The following SYNC variants were observed in gnomAD, a reference collection of about 807,000 sequenced individuals.
SYNC encodes syncoilin.
Under a neutral mutation model 49.5 loss-of-function variants are expected in SYNC, and 38 were observed. The ratio of observed to expected loss-of-function variants is 0.77; its 90% CI spans 0.59 to 1.01. The LOEUF (loss-of-function observed/expected upper bound fraction) is 1.01. Among genes scored for constraint, SYNC ranks in the 50% least tolerant of loss-of-function variants. The pLI, the probability that SYNC is intolerant of heterozygous loss-of-function variation, is 0.00. For synonymous variants in SYNC, 201 were observed against 230.8 expected (o/e 0.87, Z 1.17); for missense variants, 579 against 580.6 (o/e 1.00, Z 0.03).
intron 2 of SYNC, among the ~76,000 whole-genome samples, chr1:32,687,861 A>ATTATTAATTT (rs1280120903): frequency 6.8e-6 from 1 of 146,440 alleles, no homozygotes; most frequent in African/African-American, 2.5e-5. Flanking sequence ...TATTATTATT[A>ATTATTAATTT]TTTTTTGAGA....
In SYNC at chr1:32,695,522, C is replaced by G; in HGVS notation, c.576G>C (p.Glu192Asp). The change falls in exon 2 of 5, where the codon GAG becomes GAC. Residue 192 changes from glutamate (E) to aspartate (D), a missense_variant. By Grantham distance (45) the Glu-to-Asp change is conservative (BLOSUM62 2). Transcript: ENST00000409190. ...CAAGCTCATGGATGAGCTGATCCCTCTCCTCTTCCAGCTGGGCCACAGCTT... is the reference window on the plus strand; with the variant it reads ...CAAGCTCATGGATGAGCTGATCCCTGTCCTCTTCCAGCTGGGCCACAGCTT... ...CVQAVAQLEE[E>D]RDQLIHELVL... 1 of 1,551,458 alleles carries G rather than the reference C, an allele frequency of 6.4e-7. No individual in the cohort carries two copies. Among genetic ancestry groups the G allele is most frequent in the Non-Finnish European group, 8.7e-7 (1 of 1,146,974 alleles).
chr1:32,693,971 T>C (rs1479555277), intron 2 of SYNC, among the ~76,000 whole-genome samples: 3 of 152,164 alleles, frequency 2.0e-5, no homozygotes, highest in Non-Finnish European at 1.5e-5. Flanking sequence ...CTGCGGTGGC[T>C]CACACCTATA....
chr1:32,699,687 C>T (rs181020303), intron 1 of SYNC, among the ~76,000 whole-genome samples: 124 of 151,874 alleles, frequency 8.2e-4, no homozygotes, highest in Admixed American at 3.2e-3. Flanking sequence ...CAAATTGCTA[C>T]GCATGGTTTC....
chr1:32,686,178 A>G (rs1366640490), intron 2 of SYNC: 1 of 152,220 alleles, frequency 6.6e-6, no homozygotes, highest in East Asian at 1.9e-4. Context: ...GTTGAAATAT[A>G]TGTGTTGGGT....
At position 32,681,542 on chromosome 1, in the gene SYNC, C is replaced by T. The variant is rs360510; in HGVS notation, c.*308G>A. 450,652 of 455,822 alleles carry T rather than the reference C, an allele frequency of 0.99. 222,972 individuals carry two copies. Among genetic ancestry groups the T allele is most frequent in the East Asian group, 1 (27,430 of 27,430 alleles). The allele number at this position is 455,822 out of a possible 1,614,324, so 28.2% of individuals were successfully genotyped here. A position where few individuals can be genotyped will look rare whatever the true frequency, so the allele number is the denominator to read the frequency against. ...CAGATGTGTCCATACATTCATCCTT[C>T]ACTCAGTGCATATGTGAGGGTTGTT... On this transcript the variant is annotated 3_prime_UTR_variant, in exon 5 of 5. Transcript: ENST00000409190.
Position 32,680,694 on chromosome 1 carries a change from A to G in SYNC, c.*1156T>C, listed in dbSNP as rs1464889755. 2 of 683,256 alleles carry G rather than the reference A, an allele frequency of 2.9e-6. No individual in the cohort carries two copies. The highest frequency in any genetic ancestry group is 3.8e-5 in the African/African-American group (2 of 53,226). 42.3% of individuals were successfully genotyped at this position (683,256 alleles called of 1,614,324 possible). On this transcript the variant is annotated 3_prime_UTR_variant, in exon 5 of 5. Transcript: ENST00000409190. ...TTTTATTTAGTATAAAACATCCATCAAACACCAGTCTCTGGCTTCTAGAAG... is the reference window on the plus strand; with the variant it reads ...TTTTATTTAGTATAAAACATCCATCGAACACCAGTCTCTGGCTTCTAGAAG...
At position 32,702,472 on chromosome 1, in the gene SYNC, C is replaced by T. The variant is rs1650703894; in HGVS notation, c.53+136G>A. ...GACTCCCCGATGTCCCCTCACGAGGCGGCTCCAGTGCCCCACCCCGGCTGG... is the reference window on the plus strand; with the variant it reads ...GACTCCCCGATGTCCCCTCACGAGGTGGCTCCAGTGCCCCACCCCGGCTGG... On this transcript the variant is annotated intron_variant, in intron 1 of 4. Transcript: ENST00000409190. The surrounding 1 kb of genome is among the most constrained non-coding windows in gnomAD (Gnocchi z 6.2). The T allele has an allele frequency of 1.3e-5, 11 of 822,116 alleles. No individual in the cohort carries two copies. Among genetic ancestry groups the T allele is most frequent in the Non-Finnish European group, 1.7e-5 (11 of 636,174 alleles). The allele number at this position is 822,116 out of a possible 1,614,324, so 50.9% of individuals were successfully genotyped here.
chr1:32,688,658 G>A (rs757934708), intron 2 of SYNC, among the ~76,000 whole-genome samples: 3 of 151,894 alleles, frequency 2.0e-5, no homozygotes, highest in African/African-American at 7.3e-5. Context: ...GTGCAGTGGC[G>A]CGATCTCAAC....
At chr1:32,699,278 T>C (rs1254156298) in intron 1 of SYNC, among the ~76,000 whole-genome samples, 2 of 150,186 alleles carry the variant, frequency 1.3e-5, no homozygotes, top group Non-Finnish European at 3.0e-5. Context: ...CTCAGCCTCC[T>C]GAGTAGCTGA....
intron 2 of SYNC, among the ~76,000 whole-genome samples, chr1:32,688,128 C>T (rs1649979387): frequency 6.6e-6 from 1 of 151,994 alleles, no homozygotes; most frequent in South Asian, 2.1e-4. Context: ...AGCCACTGCT[C>T]CTGGCATGAA....
At chr1:32,693,500 G>A (rs1005361670) in intron 2 of SYNC, among the ~76,000 whole-genome samples, 2 of 152,216 alleles carry the variant, frequency 1.3e-5, no homozygotes, top group Non-Finnish European at 2.9e-5. Context: ...TCTCTGGGAA[G>A]ACATAGATTT....
chr1:32,698,922 AGGCACGTAGC>A (rs1160468573), intron 1 of SYNC, among the ~76,000 whole-genome samples: 1 of 151,258 alleles, frequency 6.6e-6, no homozygotes, highest in Non-Finnish European at 1.5e-5. Context: ...CCAGGACTAC[AGGCACGTAGC>A]GCCACACCCG....
rs1274739796 is a variant in SYNC, at chr1:32,680,140, C to T, written c.*1710G>A. On this transcript the variant is annotated 3_prime_UTR_variant, in exon 5 of 5. Transcript: ENST00000409190. ...TCAGGAAATAGGGGGAGATTCAAGTCATATAGATTCCTACTCGAAAATCTT... is the reference window on the plus strand; with the variant it reads ...TCAGGAAATAGGGGGAGATTCAAGTTATATAGATTCCTACTCGAAAATCTT... The T allele has an allele frequency of 7.4e-6, 8 of 1,077,672 alleles. No individual in the cohort carries two copies. The South Asian group carries it at 1.0e-4, about 14-fold the overall frequency. The allele number at this position is 1,077,672 out of a possible 1,614,324, so 66.8% of individuals were successfully genotyped here.
At chr1:32,683,768 G>C (rs1205424373) in intron 4 of SYNC, 1 of 432,398 alleles carries the variant, frequency 2.3e-6, no homozygotes, top group Non-Finnish European at 4.2e-6. Context: ...GAGTAGCTGG[G>C]ATTATAAGTG....
At chr1:32,684,484 G>A in intron 2 of SYNC, 102 bp from the exon 3 acceptor site, 3 of 1,532,744 alleles carry the variant, frequency 2.0e-6, no homozygotes. Context: ...GTTTAATCTT[G>A]ATAGCAGTAT....
chr1:32,684,092 TTAAAAAGAGA>T lies in SYNC; in HGVS notation c.1359-13_1359-4del. ...GGCTCTTGGGTAGTAGCATAGCCCT[TTAAAAAGAGA>T]GAGCCATTTTCCATGTGTTTTTGGA... is the stretch of plus-strand genomic sequence containing the variant. On this transcript the variant is annotated splice_polypyrimidine_tract_variant and splice_region_variant and intron_variant, in intron 3 of 4. Coordinates refer to ENST00000409190, the MANE Select transcript of SYNC (RefSeq NM_030786.3). The T allele has an allele frequency of 1.9e-6, 3 of 1,609,686 alleles. No homozygotes were observed. In the South Asian group the frequency reaches 3.3e-5, roughly 18 times the overall value.
At chr1:32,692,519 G>A (rs927650450) in intron 2 of SYNC, among the ~76,000 whole-genome samples, 7 of 152,336 alleles carry the variant, frequency 4.6e-5, no homozygotes, top group South Asian at 2.1e-4. Context: ...GGCTGAGGCC[G>A]GTGGATCACC....
Position 32,684,381 on chromosome 1 carries a change from TC to T in SYNC, c.1234del (p.Glu412AsnfsTer13), listed in dbSNP as rs1463701260. 6 of 1,614,084 alleles carry T rather than the reference TC, an allele frequency of 3.7e-6. No homozygotes were observed. Among genetic ancestry groups the T allele is most frequent in the Admixed American group, 1.7e-5 (1 of 59,980 alleles). On this transcript the variant is annotated frameshift_variant and splice_region_variant, in exon 3 of 5. Transcript: ENST00000409190. LOFTEE classifies it high-confidence loss of function. ...GCGTTCTTCCATTTCCTCCAGCTGT[TC>T]CTGCATGAGATGGCCAAGAACATTT... ...KRDEEVQQYR[E>X]QLEEMEERQR...
chr1:32,684,457 A>G, intron 2 of SYNC, 75 bp from the exon 3 acceptor site: 1 of 1,599,320 alleles, frequency 6.3e-7, no homozygotes, highest in Non-Finnish European at 8.5e-7. Flanking sequence ...TACTTATAAA[A>G]CACTTTTTTG....
Sources: allele counts gnomAD v4.1 joint callset (sites outside exome capture counted in the v4.1 genomes callset), GRCh38; gene constraint gnomAD v4.1.1; non-coding constraint Gnocchi (gnomAD v3.1); transcripts MANE v1.5; gene names NCBI Gene and HGNC (gene_info 2026-07-23, HGNC 2026-07-21).